The following PLCXD3 variants were observed in gnomAD, a reference collection of about 807,000 sequenced individuals.
PLCXD3 encodes PI-PLC X domain-containing protein 3.
Under a neutral mutation model 25.5 loss-of-function variants are expected in PLCXD3, and 19 were observed. The ratio of observed to expected loss-of-function variants is 0.75; its 90% CI spans 0.52 to 1.09. The LOEUF is 1.09. Ranked by LOEUF, PLCXD3 falls within the 50% of genes least tolerant of loss-of-function variation. PLCXD3 has a pLI of 0.00. For synonymous variants in PLCXD3, 174 were observed against 137.6 expected, an observed-to-expected ratio of 1.26 and a Z score of -1.85; for missense variants, 411 against 388.1, an observed-to-expected ratio of 1.06 and a Z score of -0.50.
At chr5:41,492,918 C>T (rs1419466381) in intron 1 of PLCXD3, among the ~76,000 whole-genome samples, 3 of 152,252 alleles carry the variant, frequency 2.0e-5, no homozygotes, top group Non-Finnish European at 4.4e-5. Context: ...CTGAAGCCTT[C>T]TTCTCTCAAC....
At chr5:41,419,789 G>A (rs887825745) in intron 1 of PLCXD3, among the ~76,000 whole-genome samples, 5 of 152,288 alleles carry the variant, frequency 3.3e-5, no homozygotes, top group African/African-American at 1.2e-4. Flanking sequence ...ATAGGGAAAA[G>A]ACCATAGACC....
intron 1 of PLCXD3, among the ~76,000 whole-genome samples, chr5:41,487,301 G>A (rs1748540857): frequency 1.3e-5 from 2 of 152,180 alleles, no homozygotes; most frequent in Admixed American, 1.3e-4. Context: ...ACTTGTTTCA[G>A]TGTGGGCTTC....
At chr5:41,420,989 C>T (rs1368953484) in intron 1 of PLCXD3, among the ~76,000 whole-genome samples, 1 of 152,070 alleles carries the variant, frequency 6.6e-6, no homozygotes, top group Non-Finnish European at 1.5e-5. Flanking sequence ...TCAGTGGAAT[C>T]TTACCCACAA....
chr5:41,501,391 C>T (rs675007), intron 1 of PLCXD3, among the ~76,000 whole-genome samples: 171 of 152,156 alleles, frequency 1.1e-3, no homozygotes, highest in African/African-American at 4.0e-3. Context: ...TATGCTACCA[C>T]ATGGGTAAAC....
chr5:41,499,242 TA>T (rs201570501), intron 1 of PLCXD3, among the ~76,000 whole-genome samples: 1 of 151,586 alleles, frequency 6.6e-6, no homozygotes, highest in Non-Finnish European at 1.5e-5. Flanking sequence ...ATTTTATATG[TA>T]AAAAACTAGA....
At chr5:41,448,001 G>A (rs1747544053) in intron 1 of PLCXD3, among the ~76,000 whole-genome samples, 1 of 152,150 alleles carries the variant, frequency 6.6e-6, no homozygotes, top group Admixed American at 6.5e-5. Flanking sequence ...CAAAATTATG[G>A]GGGACAAAGA....
intron 1 of PLCXD3, among the ~76,000 whole-genome samples, chr5:41,448,004 G>A (rs1360933398): frequency 6.6e-6 from 1 of 152,178 alleles, no homozygotes; most frequent in Non-Finnish European, 1.5e-5. Context: ...AATTATGGGG[G>A]ACAAAGAAGG....
intron 1 of PLCXD3, among the ~76,000 whole-genome samples, chr5:41,480,928 A>G (rs1748396983): frequency 6.6e-6 from 1 of 152,000 alleles, no homozygotes; most frequent in Admixed American, 6.6e-5. Flanking sequence ...TAAATAAACA[A>G]ACAAACAAAG....
intron 1 of PLCXD3, among the ~76,000 whole-genome samples, chr5:41,430,688 A>G (rs1240204615): frequency 1.3e-5 from 2 of 152,200 alleles, no homozygotes; most frequent in African/African-American, 4.8e-5. Context: ...GTCATTCCCT[A>G]GTTTCTCTTC....
chr5:41,465,226 T>G (rs970742696), intron 1 of PLCXD3, among the ~76,000 whole-genome samples: 57 of 151,972 alleles, frequency 3.8e-4, no homozygotes, highest in African/African-American at 1.4e-3. Context: ...TAAAGACATC[T>G]GTGTAAATCC....
intron 1 of PLCXD3, among the ~76,000 whole-genome samples, chr5:41,464,675 G>A (rs953988798): frequency 3.9e-5 from 6 of 152,036 alleles, no homozygotes; most frequent in South Asian, 2.1e-4. Context: ...CTCAGTAGAG[G>A]TGTTTCTAAT....
intron 2 of PLCXD3, among the ~76,000 whole-genome samples, chr5:41,343,801 T>A (rs1054192270): frequency 5.9e-5 from 9 of 152,108 alleles, no homozygotes; most frequent in Non-Finnish European, 5.9e-5. Flanking sequence ...TATTAAAACA[T>A]TTTTTTCCTA....
intron 2 of PLCXD3, among the ~76,000 whole-genome samples, chr5:41,374,669 A>C (rs1450412910): frequency 6.6e-6 from 1 of 152,046 alleles, no homozygotes; most frequent in Admixed American, 6.6e-5. Context: ...TTTTGTAAAT[A>C]ATGATTATTG....
intron 1 of PLCXD3, among the ~76,000 whole-genome samples, chr5:41,447,769 C>T (rs909393583): frequency 1.3e-5 from 2 of 152,244 alleles, no homozygotes; most frequent in Non-Finnish European, 2.9e-5. Context: ...GTTACAATTT[C>T]TTCCTGTATC....
chr5:41,509,233 G>C (rs748826558), intron 1 of PLCXD3, among the ~76,000 whole-genome samples: 2 of 152,132 alleles, frequency 1.3e-5, no homozygotes, highest in Non-Finnish European at 2.9e-5. Context: ...GGCAGATCAA[G>C]AGGAGGTAGA....
intron 1 of PLCXD3, among the ~76,000 whole-genome samples, chr5:41,429,813 A>G (rs1363057515): frequency 1.3e-5 from 2 of 152,218 alleles, no homozygotes; most frequent in Non-Finnish European, 2.9e-5. Context: ...CACCCAAACT[A>G]ATTTAAAATC....
At chr5:41,410,520 A>G (rs1746488686) in intron 1 of PLCXD3, among the ~76,000 whole-genome samples, 1 of 151,926 alleles carries the variant, frequency 6.6e-6, no homozygotes, top group African/African-American at 2.4e-5. Context: ...AGCCCTGCCA[A>G]TTCTGGAAGG....
At chr5:41,315,976 G>C (rs776276977) in intron 2 of PLCXD3, among the ~76,000 whole-genome samples, 1 of 152,152 alleles carries the variant, frequency 6.6e-6, no homozygotes, top group Non-Finnish European at 1.5e-5. Flanking sequence ...GGCAGTCTAG[G>C]TCATAAGAAC....
At chr5:41,328,448 A>G (rs1346586064) in intron 2 of PLCXD3, among the ~76,000 whole-genome samples, 1 of 152,042 alleles carries the variant, frequency 6.6e-6, no homozygotes, top group Non-Finnish European at 1.5e-5. Flanking sequence ...GCTGTCATAC[A>G]AGACTGGTGA....
Sources: allele counts gnomAD v4.1 joint callset (sites outside exome capture counted in the v4.1 genomes callset), GRCh38; gene constraint gnomAD v4.1.1; transcripts MANE v1.5; gene names NCBI Gene and HGNC (gene_info 2026-07-23, HGNC 2026-07-21).